The following TMEM212 variants were observed in gnomAD, a reference collection of about 807,000 sequenced individuals.
TMEM212 encodes the protein transmembrane protein 212.
In TMEM212, 23 loss-of-function variants were observed where a neutral mutation model predicts 20.5. The observed-to-expected ratio is 1.12, with a 90% CI of 0.81 to 1.59. The LOEUF (loss-of-function observed/expected upper bound fraction) is 1.59. TMEM212 is among the 40% of genes most tolerant of loss of function. The probability of loss-of-function intolerance (pLI) is 0.00; values close to 1 mark genes in which losing one functional copy is unlikely to be tolerated. For synonymous variants in TMEM212, 76 were observed against 81.6 expected, an observed-to-expected ratio of 0.93 and a Z score of 0.37; for missense variants, 211 against 215.0, an observed-to-expected ratio of 0.98 and a Z score of 0.12.
chr3:171,853,289 A>C (rs1395483258), intron 2 of TMEM212, among the ~76,000 whole-genome samples: 3 of 151,974 alleles, frequency 2.0e-5, no homozygotes, highest in African/African-American at 7.3e-5. Flanking sequence ...ACAAACCTGC[A>C]CATCTTGCAC....
In TMEM212 at chr3:171,853,711, G is replaced by C; in HGVS notation, c.404G>C (p.Cys135Ser). Residue 135 changes from cysteine (C) to serine (S), a missense_variant, in exon 3 of 5, where the codon TGT becomes TCT. By Grantham distance (112) the Cys-to-Ser change is moderately radical (BLOSUM62 -1). Coordinates refer to ENST00000334567, the MANE Select transcript of TMEM212 (RefSeq NM_001164436.2). ...PYPYAKFPLA[C>S]VDPPHYEEYH... The stretch of plus-strand genomic sequence containing the variant: ...CCATATGCAAAATTCCCATTAGCCT[G>C]TGTGGACCCACCACACTACGAAGAG... 2.6e-6 allele frequency: 4 copies of C among 1,537,478 alleles called. No individual in the cohort carries two copies. Among genetic ancestry groups the C allele is most frequent in the Non-Finnish European group, 3.5e-6 (4 of 1,146,924 alleles).
At chr3:171,843,794 TAA>T (rs1724767863) in intron 1 of TMEM212, among the ~76,000 whole-genome samples, 1 of 152,200 alleles carries the variant, frequency 6.6e-6, no homozygotes, top group South Asian at 2.1e-4. Context: ...AAGAAATTCT[TAA>T]AAAGTTATTT....
intron 3 of TMEM212, among the ~76,000 whole-genome samples, chr3:171,855,615 G>C (rs1423055054): frequency 6.6e-6 from 1 of 152,092 alleles, no homozygotes; most frequent in African/African-American, 2.4e-5. Context: ...ATGCAGTTTG[G>C]TAGTGAAATA....
chr3:171,850,680 C>T (rs1387743284), intron 1 of TMEM212, among the ~76,000 whole-genome samples: 1 of 152,206 alleles, frequency 6.6e-6, no homozygotes, highest in East Asian at 1.9e-4. Flanking sequence ...TATGCTGGCT[C>T]ACCCTCCATA....
At chr3:171,852,232 A>T (rs1282969900) in intron 2 of TMEM212, among the ~76,000 whole-genome samples, 191 bp downstream of exon 2, 7 of 151,056 alleles carry the variant, frequency 4.6e-5, no homozygotes, top group African/African-American at 7.3e-5. Flanking sequence ...ACGGAGTTTT[A>T]CTCTGTCCCC....
chr3:171,849,988 C>A lies in TMEM212; in HGVS notation c.160-1994C>A, dbSNP rs138327458. ...CCCCTTCCTCATAACCTGGCCTCCT[C>A]TTCAGCCAACTATTCCCCCCTCAGA... On this transcript the variant is annotated intron_variant, in intron 1 of 4. Transcript: ENST00000334567. Among the ~76,000 whole-genome samples, 385 of 152,272 alleles carry A rather than the reference C, an allele frequency of 2.5e-3. 2 individuals are homozygous for A. The highest frequency in any genetic ancestry group is 8.9e-3 in the African/African-American group (370 of 41,554).
intron 1 of TMEM212, among the ~76,000 whole-genome samples, chr3:171,845,969 C>G (rs1294693391): frequency 6.6e-6 from 1 of 152,124 alleles, no homozygotes. Flanking sequence ...CATTTGTGCC[C>G]TACTCTCTGT....
At chr3:171,856,845 A>C in intron 4 of TMEM212, 138 bp downstream of exon 4, 2 of 430,476 alleles carry the variant, frequency 4.6e-6, no homozygotes. Flanking sequence ...TCTTATTAAA[A>C]TGGGTACTGC....
At chr3:171,853,348 T>C (rs916490104) in intron 2 of TMEM212, among the ~76,000 whole-genome samples, 179 bp from the exon 3 acceptor site, 3 of 151,398 alleles carry the variant, frequency 2.0e-5, no homozygotes, top group South Asian at 2.1e-4. Context: ...AAAATGAATA[T>C]ACAAGGGACA....
chr3:171,844,673 T>A (rs1560324303), intron 1 of TMEM212, among the ~76,000 whole-genome samples: 1 of 152,092 alleles, frequency 6.6e-6, no homozygotes, highest in Non-Finnish European at 1.5e-5. Context: ...ACCACTGCAC[T>A]CCAGCCTGGG....
chr3:171,854,645 A>T (rs966431006), intron 3 of TMEM212, among the ~76,000 whole-genome samples: 4 of 152,212 alleles, frequency 2.6e-5, no homozygotes, highest in South Asian at 2.1e-4. Context: ...AGAACACATA[A>T]TCTTAAATGT....
intron 3 of TMEM212, 36 bp from the exon 4 acceptor site, chr3:171,856,627 C>G (rs115895230): frequency 1.8e-5 from 12 of 672,892 alleles, no homozygotes; most frequent in South Asian, 6.5e-5. Context: ...ATTTAAGAAG[C>G]CTTATCAAAT....
intron 2 of TMEM212, among the ~76,000 whole-genome samples, chr3:171,853,184 G>C (rs185880197): frequency 8.5e-5 from 13 of 152,246 alleles, no homozygotes; most frequent in Admixed American, 7.2e-4. Context: ...AGGAGGGAGA[G>C]CATCAGGAAG....
At chr3:171,849,912 T>A (rs1724934504) in intron 1 of TMEM212, among the ~76,000 whole-genome samples, 1 of 152,002 alleles carries the variant, frequency 6.6e-6, no homozygotes, top group African/African-American at 2.4e-5. Context: ...GAGTGCAGGA[T>A]GGGGGCCCTC....
intron 1 of TMEM212, among the ~76,000 whole-genome samples, chr3:171,846,213 C>T (rs1335585766): frequency 6.6e-6 from 1 of 152,198 alleles, no homozygotes; most frequent in Non-Finnish European, 1.5e-5. Flanking sequence ...TCTTCCTGAA[C>T]TTGGCTCACT....
chr3:171,845,809 G>A (rs1724817655), intron 1 of TMEM212, among the ~76,000 whole-genome samples: 1 of 151,910 alleles, frequency 6.6e-6, no homozygotes, highest in African/African-American at 2.4e-5. Context: ...TGTAAAATGG[G>A]GAATTTTACA....
chr3:171,847,420 C>T (rs1250996779), intron 1 of TMEM212, among the ~76,000 whole-genome samples: 1 of 152,194 alleles, frequency 6.6e-6, no homozygotes, highest in African/African-American at 2.4e-5. Context: ...CCTTCCTCGA[C>T]GGTTAGAGAA....
intron 1 of TMEM212, among the ~76,000 whole-genome samples, chr3:171,849,247 A>G (rs1042889478): frequency 6.6e-6 from 1 of 152,076 alleles, no homozygotes; most frequent in Non-Finnish European, 1.5e-5. Context: ...CTATTTCTCC[A>G]TGGTGCCTTT....
At chr3:171,846,554 A>G (rs1560324886) in intron 1 of TMEM212, among the ~76,000 whole-genome samples, 1 of 152,230 alleles carries the variant, frequency 6.6e-6, no homozygotes, top group Non-Finnish European at 1.5e-5. Flanking sequence ...ATATTGTTCA[A>G]TAAGTATTGT....
Sources: gnomAD v4.1 joint callset for allele counts (sites outside exome capture counted in the v4.1 genomes callset) on GRCh38, gnomAD v4.1.1 for gene constraint, MANE v1.5 for transcripts, NCBI Gene and HGNC (gene_info 2026-07-23, HGNC 2026-07-21) for gene names.